CTNNA2: variants seen among roughly 807,000 people sequenced by gnomAD.
The protein encoded by CTNNA2 is catenin alpha-2.
In CTNNA2, 42 loss-of-function variants were observed where a neutral mutation model predicts 101.0. That is an observed-to-expected ratio of 0.42 (90% CI 0.32 to 0.54). The LOEUF is 0.54. Ranked by LOEUF, CTNNA2 falls within the 20% of genes least tolerant of loss-of-function variation. The probability of loss-of-function intolerance (pLI) is 0.14; values close to 1 mark genes in which losing one functional copy is unlikely to be tolerated. For missense variants in CTNNA2, 871 were observed against 1,223.1 expected, an observed-to-expected ratio of 0.71 and a Z score of 4.29; for synonymous variants, 450 against 456.4, an observed-to-expected ratio of 0.99 and a Z score of 0.18.
At chr2:80,239,896 G>A (rs774330031) in intron 7 of CTNNA2, among the ~76,000 whole-genome samples, 87 of 149,408 alleles carry the variant, frequency 5.8e-4, no homozygotes, top group Non-Finnish European at 1.1e-3. Flanking sequence ...TGGGCAACAA[G>A]AGCAAGACTC....
intron 7 of CTNNA2, among the ~76,000 whole-genome samples, chr2:80,085,656 A>C (rs781074065): frequency 3.3e-5 from 5 of 151,756 alleles, no homozygotes; most frequent in African/African-American, 1.2e-4. Context: ...ATTTCATCCT[A>C]TTTTCTGCAT....
intron 7 of CTNNA2, among the ~76,000 whole-genome samples, chr2:80,215,050 G>A (rs566284776): frequency 1.5e-4 from 23 of 151,788 alleles, no homozygotes; most frequent in African/African-American, 4.8e-4. Flanking sequence ...TGATCAAATC[G>A]GCTACTCAAG....
At chr2:79,693,411 G>A (rs1684450496) in intron 2 of CTNNA2, among the ~76,000 whole-genome samples, 1 of 151,922 alleles carries the variant, frequency 6.6e-6, no homozygotes, top group South Asian at 2.1e-4. Context: ...ACATTTTGCT[G>A]CATTTGCTTC....
At chr2:80,599,112 T>A (rs568756022) in intron 15 of CTNNA2, among the ~76,000 whole-genome samples, 2 of 152,230 alleles carry the variant, frequency 1.3e-5, no homozygotes, top group Admixed American at 6.5e-5. Flanking sequence ...TCTATACATA[T>A]CTCTGAATTT....
chr2:79,823,931 A>T (rs980315524), intron 3 of CTNNA2, among the ~76,000 whole-genome samples: 1 of 152,188 alleles, frequency 6.6e-6, no homozygotes, highest in Non-Finnish European at 1.5e-5. Context: ...TGAGGACTGA[A>T]TATAAAGACT....
intron 2 of CTNNA2, among the ~76,000 whole-genome samples, chr2:79,658,811 G>A (rs1431317674): frequency 6.6e-6 from 1 of 151,970 alleles, no homozygotes; most frequent in African/African-American, 2.4e-5. Context: ...AAGAAGAGGA[G>A]CTCTCTTTAA....
chr2:79,664,653 T>C lies in CTNNA2; in HGVS notation c.102+12995T>C, dbSNP rs77257882. Among the ~76,000 whole-genome samples, 527 of 151,706 alleles carry C rather than the reference T, an allele frequency of 3.5e-3. 11 individuals carry two copies. In the East Asian group the frequency reaches 0.047, roughly 14 times the overall value. On this transcript the variant is annotated intron_variant, in intron 2 of 18. Coordinates refer to ENST00000402739, the MANE Select transcript of CTNNA2 (RefSeq NM_001282597.3). The stretch of plus-strand genomic sequence containing the variant: ...AAAATAAATTGTTATTGTAGTTTCA[T>C]CTCTGAAACCATATATTGCTAATTT...
chr2:79,655,604 A>G lies in CTNNA2; in HGVS notation c.102+3946A>G, dbSNP rs561053850. Among the ~76,000 whole-genome samples, 10 of 152,064 alleles carry G rather than the reference A, an allele frequency of 6.6e-5. No homozygotes were observed. In the South Asian group the frequency reaches 1.2e-3, roughly 19 times the overall value. On this transcript the variant is annotated intron_variant, in intron 2 of 18. Coordinates refer to ENST00000402739, the MANE Select transcript of CTNNA2 (RefSeq NM_001282597.3). ...AGCACTTTGGGAGGCCAAGGCAAGA[A>G]GATCACTTGAAGTCAGGAGTTCGAG...
intron 4 of CTNNA2, among the ~76,000 whole-genome samples, chr2:79,393,381 GC>G (rs1558656372): frequency 6.6e-6 from 1 of 152,136 alleles, no homozygotes; most frequent in Admixed American, 6.6e-5. Context: ...ACTACTGCCT[GC>G]TTTTATACAT....
intron 9 of CTNNA2, among the ~76,000 whole-genome samples, chr2:80,461,408 G>A (rs770608832): frequency 8.6e-5 from 13 of 152,016 alleles, no homozygotes; most frequent in Non-Finnish European, 1.6e-4. Context: ...GCTATAAATT[G>A]CCGCTGCCCA....
intron 7 of CTNNA2, among the ~76,000 whole-genome samples, chr2:79,989,739 A>T (rs796692257): frequency 6.6e-6 from 1 of 152,218 alleles, no homozygotes; most frequent in Non-Finnish European, 1.5e-5. Context: ...TGGCTTCCTT[A>T]TAAATTTCTT....
intron 3 of CTNNA2, among the ~76,000 whole-genome samples, chr2:79,780,625 C>T (rs1443475076): frequency 2.0e-5 from 3 of 152,150 alleles, no homozygotes; most frequent in African/African-American, 7.2e-5. Context: ...TAAGAATGCC[C>T]GATCTCCTCT....
intron 2 of CTNNA2, among the ~76,000 whole-genome samples, chr2:79,673,392 T>G (rs1420103323): frequency 6.6e-6 from 1 of 152,172 alleles, no homozygotes; most frequent in Admixed American, 6.5e-5. Context: ...TAAACTTGAA[T>G]TTCCATATAT....
At chr2:79,393,140 A>G (rs1678192939) in intron 4 of CTNNA2, among the ~76,000 whole-genome samples, 1 of 152,218 alleles carries the variant, frequency 6.6e-6, no homozygotes, top group African/African-American at 2.4e-5. Flanking sequence ...TGGGACCAGT[A>G]GAAAGGTGGT....
chr2:79,634,587 T>G (rs1679895007), intron 1 of CTNNA2: 1 of 152,146 alleles, frequency 6.6e-6, no homozygotes, highest in Non-Finnish European at 1.5e-5. Flanking sequence ...ACAATTAAAG[T>G]AGAGTGAGAT....
intron 12 of CTNNA2, among the ~76,000 whole-genome samples, chr2:80,565,205 A>G (rs1292778296): frequency 6.6e-6 from 1 of 152,116 alleles, no homozygotes; most frequent in Non-Finnish European, 1.5e-5. Flanking sequence ...TTGTTGGTAA[A>G]GGCTTTCAAA....
chr2:80,151,062 C>A (rs1471687537), intron 7 of CTNNA2, among the ~76,000 whole-genome samples: 1 of 152,212 alleles, frequency 6.6e-6, no homozygotes, highest in Non-Finnish European at 1.5e-5. Context: ...GGGCATTTCT[C>A]TGTAAGCCTA....
At chr2:79,199,081 T>C (rs1558570898) in intron 2 of CTNNA2, among the ~76,000 whole-genome samples, 1 of 152,228 alleles carries the variant, frequency 6.6e-6, no homozygotes, top group Non-Finnish European at 1.5e-5. Flanking sequence ...TTCTGCATCA[T>C]TATCAGTTAT....
At chr2:79,208,227 C>A (rs1674125645) in intron 2 of CTNNA2, among the ~76,000 whole-genome samples, 1 of 152,126 alleles carries the variant, frequency 6.6e-6, no homozygotes, top group African/African-American at 2.4e-5. Context: ...CCTTAATTAT[C>A]CTGTGCATTT....
Sources: allele counts gnomAD v4.1 joint callset (sites outside exome capture counted in the v4.1 genomes callset), GRCh38; gene constraint gnomAD v4.1.1; transcripts MANE v1.5; gene names NCBI Gene and HGNC (gene_info 2026-07-23, HGNC 2026-07-21).